IGSF21: variants seen among roughly 807,000 people sequenced by gnomAD.
IGSF21 encodes immunoglobin superfamily member 21, also known as immunoglobulin superfamily member 21.
A neutral mutation model predicts 46.8 loss-of-function variants in IGSF21; 28 were observed. The observed-to-expected ratio is 0.60, with a 90% CI of 0.44 to 0.82. The LOEUF is 0.82. Among genes scored for constraint, IGSF21 ranks in the 40% least tolerant of loss-of-function variants. The probability of loss-of-function intolerance (pLI) is 0.00; values close to 1 mark genes in which losing one functional copy is unlikely to be tolerated. For synonymous variants in IGSF21, 284 were observed against 273.6 expected (o/e 1.04, Z -0.38); for missense variants, 624 against 665.5 (o/e 0.94, Z 0.69).
chr1:18,363,999 A>T (rs938822229), intron 5 of IGSF21, among the ~76,000 whole-genome samples: 5 of 152,154 alleles, frequency 3.3e-5, no homozygotes, highest in African/African-American at 1.2e-4. Context: ...AAATCAGGAA[A>T]GCTGTTTTTT....
At chr1:18,293,816 C>G (rs1322607518) in intron 3 of IGSF21, among the ~76,000 whole-genome samples, 1 of 152,216 alleles carries the variant, frequency 6.6e-6, no homozygotes, top group African/African-American at 2.4e-5. Context: ...AAGCCACCCG[C>G]TGCCACCAGC....
intron 4 of IGSF21, among the ~76,000 whole-genome samples, chr1:18,341,045 C>CTTCTTCTTCTTCTTCTTCTTCTTCTTCT (rs55780171): frequency 1.1e-3 from 85 of 78,426 alleles, no homozygotes; most frequent in East Asian, 4.8e-3. Flanking sequence ...CTTCTTCTTC[C>CTTCTTCTTCTTCTTCTTCTTCTTCTTCT]TCTTCCTCTT....
At chr1:18,356,534 C>T (rs2086020567) in intron 4 of IGSF21, among the ~76,000 whole-genome samples, 1 of 152,204 alleles carries the variant, frequency 6.6e-6, no homozygotes, top group African/African-American at 2.4e-5. Flanking sequence ...TGTTACCTGA[C>T]TTTGTATTTG....
Position 18,365,616 on chromosome 1 carries a change from C to G in IGSF21, c.934C>G (p.Gln312Glu). The G allele has an allele frequency of 6.2e-7, 1 of 1,614,238 alleles. No homozygotes were observed. The highest frequency in any genetic ancestry group is 8.5e-7 in the Non-Finnish European group (1 of 1,180,046). The change falls in exon 6 of 10, where the codon CAG becomes GAG. Residue 312 changes from glutamine to glutamate, a missense_variant. By Grantham distance (29) the Gln-to-Glu change is conservative (BLOSUM62 2). Coordinates refer to ENST00000251296, the MANE Select transcript of IGSF21 (RefSeq NM_032880.5). The surrounding 1 kb of genome is among the most constrained non-coding windows in gnomAD (Gnocchi z 4.8). ...CCTGCTCACCTGGACCCTCAACCCA[C>G]AGATCGACAACGAGGCCCTCTTCAG... is the stretch of plus-strand genomic sequence containing the variant. Reference protein sequence around the residue: ...RALLTWTLNPQIDNEALFSCE... With the variant: ...RALLTWTLNPEIDNEALFSCE...
intron 2 of IGSF21, among the ~76,000 whole-genome samples, chr1:18,277,357 C>T (rs1207548405): frequency 6.6e-6 from 1 of 152,200 alleles, no homozygotes; most frequent in Non-Finnish European, 1.5e-5. Context: ...CTGACAGGCC[C>T]TCCTGTACAC....
chr1:18,125,472 G>A (rs1474893328), intron 1 of IGSF21, among the ~76,000 whole-genome samples: 12 of 152,176 alleles, frequency 7.9e-5, no homozygotes, highest in Admixed American at 6.5e-5. Flanking sequence ...CGGCTACCTC[G>A]TTGGAAATTT....
intron 2 of IGSF21, among the ~76,000 whole-genome samples, chr1:18,261,108 C>T (rs1197968063): frequency 2.0e-5 from 3 of 152,210 alleles, no homozygotes; most frequent in Non-Finnish European, 4.4e-5. Context: ...GACCCCAGGC[C>T]AACCCAGCTC....
In IGSF21 at chr1:18,181,105, CCCT is replaced by C. The variant is rs549722586; in HGVS notation, c.71-46786_71-46784del. On this transcript the variant is annotated intron_variant, in intron 1 of 9. Coordinates refer to ENST00000251296, the MANE Select transcript of IGSF21 (RefSeq NM_032880.5). The stretch of plus-strand genomic sequence containing the variant: ...GCTTCCCACCAGGGAAGGGAATGAG[CCCT>C]CCTCCTTGCTGCCTCCCCTCCTCCT... 4.9e-3 allele frequency among the ~76,000 whole-genome samples: 740 copies of C among 152,316 alleles called. 6 individuals carry two copies. The highest frequency in any genetic ancestry group is 0.017 in the African/African-American group (689 of 41,570).
At chr1:18,350,662 A>G (rs1256148651) in intron 4 of IGSF21, among the ~76,000 whole-genome samples, 1 of 152,008 alleles carries the variant, frequency 6.6e-6, no homozygotes, top group African/African-American at 2.4e-5. Flanking sequence ...CCCACAAAAA[A>G]AAATACCCCT....
intron 1 of IGSF21, among the ~76,000 whole-genome samples, chr1:18,227,253 G>C (rs966650846): frequency 1.3e-5 from 2 of 152,092 alleles, no homozygotes; most frequent in African/African-American, 4.8e-5. Flanking sequence ...GAAGCCAATG[G>C]TGGTTTCCCA....
intron 2 of IGSF21, among the ~76,000 whole-genome samples, chr1:18,269,278 C>T (rs2085020469): frequency 6.6e-6 from 1 of 152,030 alleles, no homozygotes; most frequent in Non-Finnish European, 1.5e-5. Flanking sequence ...AAGTGTGATG[C>T]CCTGAGGGGC....
intron 1 of IGSF21, among the ~76,000 whole-genome samples, chr1:18,146,799 T>C (rs1219325802): frequency 6.6e-6 from 1 of 152,166 alleles, no homozygotes; most frequent in Non-Finnish European, 1.5e-5. Flanking sequence ...TGTCTTCATG[T>C]TCTATCTTAA....
rs574594655 is a variant in IGSF21, at chr1:18,367,181, T to A, written c.1015+1484T>A. ...GACTGAGAGCAGTAACTGACAAGAA[T>A]TGGGACTGCAGCTTGTGTCAGGTGT... On this transcript the variant is annotated intron_variant, in intron 6 of 9. Coordinates refer to ENST00000251296, the MANE Select transcript of IGSF21 (RefSeq NM_032880.5). 4.5e-4 allele frequency among the ~76,000 whole-genome samples: 69 copies of A among 152,300 alleles called. 1 individual carries two copies. The highest frequency in any genetic ancestry group is 1.6e-3 in the African/African-American group (67 of 41,578).
At chr1:18,148,992 G>A (rs1353664382) in intron 1 of IGSF21, among the ~76,000 whole-genome samples, 2 of 152,182 alleles carry the variant, frequency 1.3e-5, no homozygotes, top group East Asian at 1.9e-4. Context: ...GAGTTCTTAC[G>A]GTGTCAGCAA....
chr1:18,282,538 CT>C (rs2085171644), intron 2 of IGSF21, among the ~76,000 whole-genome samples: 1 of 151,854 alleles, frequency 6.6e-6, no homozygotes, highest in Non-Finnish European at 1.5e-5. Flanking sequence ...TGGGTCGTGA[CT>C]GTGGGCTTTG....
chr1:18,331,862 G>T (rs148808599), intron 3 of IGSF21, among the ~76,000 whole-genome samples: 1 of 152,298 alleles, frequency 6.6e-6, no homozygotes, highest in Non-Finnish European at 1.5e-5. Flanking sequence ...TATTTGGAGG[G>T]TGTGGAAGTG....
intron 3 of IGSF21, among the ~76,000 whole-genome samples, chr1:18,326,238 G>A (rs1483453245): frequency 1.3e-5 from 2 of 152,234 alleles, no homozygotes; most frequent in Non-Finnish European, 2.9e-5. Context: ...TGGAGAATGA[G>A]CAGGTGTTGG....
intron 2 of IGSF21, among the ~76,000 whole-genome samples, chr1:18,276,203 A>G (rs541567575): frequency 3.9e-4 from 60 of 152,230 alleles, no homozygotes; most frequent in African/African-American, 1.4e-3. Flanking sequence ...GAAGTTGACC[A>G]CTGTTCTGGC....
chr1:18,244,856 T>A (rs1299915203), intron 2 of IGSF21, among the ~76,000 whole-genome samples: 2 of 152,212 alleles, frequency 1.3e-5, no homozygotes, highest in African/African-American at 2.4e-5. Flanking sequence ...AGAGACAGCA[T>A]TTTTAAGGTA....
Sources: allele counts gnomAD v4.1 joint callset (sites outside exome capture counted in the v4.1 genomes callset), GRCh38; gene constraint gnomAD v4.1.1; non-coding constraint Gnocchi (gnomAD v3.1); transcripts MANE v1.5; gene names NCBI Gene and HGNC (gene_info 2026-07-23, HGNC 2026-07-21).